CD63: variants seen among roughly 807,000 people sequenced by gnomAD.
The protein encoded by CD63 is CD63 antigen.
Under a neutral mutation model 29.2 loss-of-function variants are expected in CD63, and 16 were observed. The ratio of observed to expected loss-of-function variants is 0.55; its 90% CI spans 0.37 to 0.83. The LOEUF is 0.83. Ranked by LOEUF, CD63 falls within the 40% of genes least tolerant of loss-of-function variation. The pLI is 0.00. For missense variants in CD63, 251 were observed against 297.3 expected, an observed-to-expected ratio of 0.84 and a Z score of 1.15; for synonymous variants, 118 against 111.7, an observed-to-expected ratio of 1.06 and a Z score of -0.36.
At chr12:55,724,298 T>C, downstream of CD63, 2 of 1,611,550 alleles carry the variant, frequency 1.2e-6, no homozygotes, top group Non-Finnish European at 1.7e-6. Context: ...GGGAAACTGA[T>C]TGCAACCACC....
At chr12:55,729,319 G>T (rs931850900), upstream of CD63, 5 of 174,634 alleles carry the variant, frequency 2.9e-5, no homozygotes, top group Non-Finnish European at 5.6e-5. Context: ...GGGGCGGAGC[G>T]CAGCCTGGGT....
rs1023596889 is a variant in CD63 at position 55,725,368 on chromosome 12, T to C, written c.*193A>G. 1.7e-5 allele frequency: 10 copies of C among 603,060 alleles called. No homozygotes were observed. The highest frequency in any genetic ancestry group is 5.6e-5 in the East Asian group (2 of 35,982). 37.4% of individuals were successfully genotyped at this position (603,060 alleles called of 1,614,324 possible). ...CTCCTTTCCCAAACACCCCCCAAAA[T>C]AGACCTCGAAGTACACATGCATTAA... On this transcript the variant is annotated 3_prime_UTR_variant, in exon 8 of 8. Transcript: ENST00000257857.
downstream of CD63, chr12:55,724,342 A>T: frequency 6.2e-7 from 1 of 1,614,188 alleles, no homozygotes; most frequent in East Asian, 2.2e-5. Context: ...GCAACAGCGC[A>T]TCATGAACCT....
chr12:55,726,021 C>T, intron 6 of CD63, 100 bp downstream of exon 6: 1 of 1,455,702 alleles, frequency 6.9e-7, no homozygotes, highest in Non-Finnish European at 9.5e-7. Flanking sequence ...ATTTCCAGAT[C>T]CCCTCCCCAT....
Position 55,728,841 on chromosome 12 carries a change from G to T in CD63, c.-12+112C>A, listed in dbSNP as rs1258889461. On this transcript the variant is annotated intron_variant, in intron 1 of 7. Coordinates refer to ENST00000257857, the MANE Select transcript of CD63 (RefSeq NM_001780.6). This position sits in a 1 kb window ranked among gnomAD's most constrained non-coding sequence, Gnocchi z 4.8. ...TTCGAAGCAAAGTTGCTCCAGGGCG[G>T]CTGGAGAGCGCCGGACGAGTCTCCG... The T allele has an allele frequency of 1.0e-6, 1 of 990,422 alleles. No individual in the cohort carries two copies. 61.4% of individuals were successfully genotyped at this position (990,422 alleles called of 1,614,324 possible).
Position 55,728,567 on chromosome 12 carries a change from C to T in CD63, c.-11-215G>A, listed in dbSNP as rs1877679477. The T allele has an allele frequency of 7.0e-7, 1 of 1,420,768 alleles. No homozygotes were observed. The allele number at this position is 1,420,768 out of a possible 1,614,324, so 88.0% of individuals were successfully genotyped here. ...CCGCGAAGCCCGGACCCCGCCCCGC[C>T]GCCTCTGGGGCCCAGGACAGATCCA... On this transcript the variant is annotated intron_variant, in intron 1 of 7. Coordinates refer to ENST00000257857, the MANE Select transcript of CD63 (RefSeq NM_001780.6). The surrounding 1 kb of genome is among the most constrained non-coding windows in gnomAD (Gnocchi z 4.8).
In CD63 at chr12:55,728,949, T is replaced by A. The variant is rs1328960610; in HGVS notation, c.-12+4A>T. On this transcript the variant is annotated splice_donor_region_variant and intron_variant, in intron 1 of 7. Transcript: ENST00000257857. This position sits in a 1 kb window ranked among gnomAD's most constrained non-coding sequence, Gnocchi z 4.8. ...CGAAGTCCGCCGGGTCCCCGCGGCC[T>A]CACCTGGGCTTCCCAAGGCTGGCTG... The A allele has an allele frequency of 1.0e-6, 1 of 985,232 alleles. No individual in the cohort carries two copies. Among genetic ancestry groups the A allele is most frequent in the Non-Finnish European group, 1.2e-6 (1 of 829,962 alleles). 61.0% of individuals were successfully genotyped at this position (985,232 alleles called of 1,614,324 possible). A position where few individuals can be genotyped will look rare whatever the true frequency, so the allele number is the denominator to read the frequency against.
In CD63 at chr12:55,728,784, C is replaced by T; in HGVS notation, c.-12+169G>A. ...AAAAAAAAAAAAAGTGCAGCCAGCA[C>T]CCCCGCCACACCCTGCCCGGGCCCA... On this transcript the variant is annotated intron_variant, in intron 1 of 7. Transcript: ENST00000257857. The surrounding 1 kb of genome is among the most constrained non-coding windows in gnomAD (Gnocchi z 4.8). 1.0e-6 allele frequency: 1 copy of T among 994,056 alleles called. No homozygotes were observed. Among genetic ancestry groups the T allele is most frequent in the Non-Finnish European group, 1.2e-6 (1 of 835,158 alleles). The allele number at this position is 994,056 out of a possible 1,614,324, so 61.6% of individuals were successfully genotyped here. A position where few individuals can be genotyped will look rare whatever the true frequency, so the allele number is the denominator to read the frequency against.
rs1391516072 is a variant in CD63 at position 55,727,314 on chromosome 12, A to G, written c.92T>C (p.Val31Ala). ...FCACAVGLIAVGVGAQLVLSQ... is the reference protein window; with the variant it reads ...FCACAVGLIAAGVGAQLVLSQ... ...CAGGACAAGCTGTGCCCCGACACCC[A>G]CGGCAATCAGTCCCACTGCACAGGC... is the stretch of plus-strand genomic sequence containing the variant. Residue 31 changes from valine (V) to alanine (A), a missense_variant, in exon 3 of 8, where the codon GTG (valine) becomes GCG (alanine). By Grantham distance (64) the Val-to-Ala change is moderately conservative. Coordinates refer to ENST00000257857, the MANE Select transcript of CD63 (RefSeq NM_001780.6). The G allele has an allele frequency of 6.2e-7, 1 of 1,613,688 alleles. No individual in the cohort carries two copies. The highest frequency in any genetic ancestry group is 8.5e-7 in the Non-Finnish European group (1 of 1,179,946).
In CD63 at chr12:55,726,166, A is replaced by G. The variant is rs748893514; in HGVS notation, c.522T>C (p.Thr174=). The part of the protein sequence containing the change: ...RVPDSCCINV[T]VGCGINFNEK... ...CGTTGAAATTAATCCCACAGCCCAC[A>G]GTAACATTAATGCAGCAGGAGTCGG... Residue 174 remains threonine (T), a synonymous_variant, in exon 6 of 8, where the codon ACT becomes ACC. Transcript: ENST00000257857. 1 of 1,613,962 alleles carries G rather than the reference A, an allele frequency of 6.2e-7. No homozygotes were observed. The highest frequency in any genetic ancestry group is 8.5e-7 in the Non-Finnish European group (1 of 1,179,968).
chr12:55,727,359 G>A lies in CD63; in HGVS notation c.67-20C>T, dbSNP rs113863438. On this transcript the variant is annotated intron_variant, in intron 2 of 7. Coordinates refer to ENST00000257857, the MANE Select transcript of CD63 (RefSeq NM_001780.6). ...ACAGGCCTAAGAGAAAATCAGGTGAGGATTAGGCCATATCCACAACACAGT... is the reference window on the plus strand; with the variant it reads ...ACAGGCCTAAGAGAAAATCAGGTGAAGATTAGGCCATATCCACAACACAGT... 1.5e-3 allele frequency: 2,427 copies of A among 1,604,052 alleles called. 36 individuals carry two copies. In the African/African-American group the frequency reaches 0.03, roughly 20 times the overall value.
rs1171651435 is a variant in CD63, at chr12:55,726,982, A to G, written c.256-18T>C. ...ATGGCAAACTGCAGGAGCAAAGGAC[A>G]GAAGTCAAGTTTGGAGTCTATGCAT... On this transcript the variant is annotated intron_variant, in intron 3 of 7. Transcript: ENST00000257857. 1 of 1,613,194 alleles carries G rather than the reference A, an allele frequency of 6.2e-7. No homozygotes were observed. Among genetic ancestry groups the G allele is most frequent in the African/African-American group, 1.3e-5 (1 of 74,924 alleles).
chr12:55,726,625 G>GT, intron 5 of CD63, 75 bp downstream of exon 5: 1 of 1,190,832 alleles, frequency 8.4e-7, no homozygotes, highest in Non-Finnish European at 1.3e-6. Flanking sequence ...GATTACAGGC[G>GT]TGAGTCACCA....
chr12:55,724,444 G>T (rs1176366853), downstream of CD63: 1 of 1,614,048 alleles, frequency 6.2e-7, no homozygotes, highest in East Asian at 2.2e-5. Flanking sequence ...CCCAGGTTGG[G>T]ATGCCAAGCT....
At chr12:55,727,948 G>C in intron 2 of CD63, 3 of 1,180,530 alleles carry the variant, frequency 2.5e-6, no homozygotes, top group Non-Finnish European at 3.2e-6. Flanking sequence ...AGAAGGGAGA[G>C]CGAAGGGAAG....
chr12:55,725,704 A>T (rs762010991), intron 7 of CD63, 78 bp from the exon 8 acceptor site: 3 of 1,517,582 alleles, frequency 2.0e-6, no homozygotes, highest in Admixed American at 3.4e-5. Flanking sequence ...GAGACTCCAA[A>T]CACACACTCC....
upstream of CD63, chr12:55,729,233 C>A: frequency 1.3e-6 from 1 of 796,644 alleles, no homozygotes; most frequent in Non-Finnish European, 1.5e-6. Context: ...AAGGGAAAGC[C>A]GCAAGGGCAA....
downstream of CD63, chr12:55,724,664 T>A (rs1161669145): frequency 3.1e-6 from 3 of 979,004 alleles, no homozygotes; most frequent in African/African-American, 3.2e-5. Context: ...GTGTATTGTT[T>A]AAAAAATAAA....
chr12:55,725,811 A>G lies in CD63; in HGVS notation c.651+2T>C. ...CAGCCCCTGCTCAGGGTTATCTCTT[A>G]CCTCGACAAAAGCAATTCCAAGGGC... On this transcript the variant is annotated splice_donor_variant, in intron 7 of 7. Coordinates refer to ENST00000257857, the MANE Select transcript of CD63 (RefSeq NM_001780.6). LOFTEE classifies it high-confidence loss of function. 1.9e-6 allele frequency: 3 copies of G among 1,613,548 alleles called. No individual in the cohort carries two copies. Among genetic ancestry groups the G allele is most frequent in the Non-Finnish European group, 2.5e-6 (3 of 1,179,684 alleles).
Sources: gnomAD v4.1 joint callset for allele counts on GRCh38, gnomAD v4.1.1 for gene constraint, Gnocchi (gnomAD v3.1) non-coding constraint, MANE v1.5 for transcripts, NCBI Gene and HGNC (gene_info 2026-07-23, HGNC 2026-07-21) for gene names.